Variants in WDR26 observed in about 807,000 individuals in gnomAD.
WDR26 encodes the protein WD repeat-containing protein 26.
Under a neutral mutation model 84.1 loss-of-function variants are expected in WDR26, and 5 were observed. The ratio of observed to expected loss-of-function variants is 0.06; its 90% CI spans 0.03 to 0.13. WDR26 has a LOEUF of 0.13. Ranked by LOEUF, WDR26 falls within the 10% of genes least tolerant of loss-of-function variation. WDR26 has a pLI of 1.00. For missense variants in WDR26, 642 were observed against 974.9 expected, an observed-to-expected ratio of 0.66 and a Z score of 4.55; for synonymous variants, 415 against 389.6, an observed-to-expected ratio of 1.07 and a Z score of -0.77.
intron 13 of WDR26, among the ~76,000 whole-genome samples, chr1:224,391,241 C>T (rs11811053): frequency 0.28 from 42,018 of 151,156 alleles, 7,139 homozygotes; most frequent in African/African-American, 0.47. Context: ...TGATGCATGC[C>T]TGTAATCCCA....
chr1:224,414,257 C>G (rs958101726), intron 6 of WDR26, among the ~76,000 whole-genome samples: 3 of 151,992 alleles, frequency 2.0e-5, no homozygotes, highest in East Asian at 1.9e-4. Flanking sequence ...AGGCACCCAC[C>G]ACCACACCCG....
At chr1:224,399,292 A>G (rs1247460140) in intron 9 of WDR26, among the ~76,000 whole-genome samples, 2 of 152,216 alleles carry the variant, frequency 1.3e-5, no homozygotes, top group Non-Finnish European at 2.9e-5. Context: ...CTCACCATGC[A>G]TAAATAACAC....
intron 3 of WDR26, among the ~76,000 whole-genome samples, chr1:224,427,671 C>T (rs1228460204): frequency 1.3e-5 from 2 of 152,146 alleles, no homozygotes; most frequent in African/African-American, 4.8e-5. Flanking sequence ...ATGCTGCTGG[C>T]CAAGCACAGC....
At position 224,401,597 on chromosome 1, in the gene WDR26, C is replaced by T. The variant is rs561999296; in HGVS notation, c.1600-528G>A. On this transcript the variant is annotated intron_variant, in intron 8 of 13. Coordinates refer to ENST00000414423, the MANE Select transcript of WDR26 (RefSeq NM_001379403.1). Reference sequence around the variant, plus strand: ...GCTTAGGCACGAGAATCACTTGAACCCAGGCGGTGGAGGTTGCAGTGAGCT... The same window carrying T: ...GCTTAGGCACGAGAATCACTTGAACTCAGGCGGTGGAGGTTGCAGTGAGCT... Among the ~76,000 whole-genome samples the T allele has an allele frequency of 3.6e-5, 5 of 140,684 alleles. No individual in the cohort carries two copies. In the East Asian group the frequency reaches 1.0e-3, roughly 28 times the overall value. The allele number at this position is 140,684 out of a possible 152,430, so 92.3% of individuals were successfully genotyped here.
intron 3 of WDR26, chr1:224,429,415 A>G (rs930451162): frequency 1.3e-5 from 2 of 152,206 alleles, no homozygotes; most frequent in Admixed American, 6.5e-5. Context: ...GTATACAATT[A>G]AAATAATTAC....
rs559166640 is a variant in WDR26 at position 224,419,719 on chromosome 1, T to C, written c.1065-104A>G. On this transcript the variant is annotated intron_variant, in intron 4 of 13. Coordinates refer to ENST00000414423, the MANE Select transcript of WDR26 (RefSeq NM_001379403.1). ...TGGCTATCTGCTTCTTACTAATACATGTCAAGAAATTTCTACAGTGGACTC... is the reference window on the plus strand; with the variant it reads ...TGGCTATCTGCTTCTTACTAATACACGTCAAGAAATTTCTACAGTGGACTC... 8.5e-6 allele frequency: 7 copies of C among 828,100 alleles called. No homozygotes were observed. The East Asian group carries it at 1.3e-4, about 15-fold the overall frequency. The allele number at this position is 828,100 out of a possible 1,614,324, so 51.3% of individuals were successfully genotyped here.
At chr1:224,427,570 G>A (rs191273557) in intron 3 of WDR26, among the ~76,000 whole-genome samples, 15 of 152,280 alleles carry the variant, frequency 9.9e-5, no homozygotes, top group Admixed American at 1.3e-4. Context: ...AGTAGCACAA[G>A]AGCATTTCTC....
chr1:224,422,957 G>A (rs572586814), intron 4 of WDR26, among the ~76,000 whole-genome samples: 29 of 152,272 alleles, frequency 1.9e-4, no homozygotes, highest in South Asian at 1.9e-3. Context: ...GCGATATACT[G>A]GAAGTGGCAC....
chr1:224,433,630 G>A, intron 1 of WDR26, 54 bp downstream of exon 1: 1 of 1,031,982 alleles, frequency 9.7e-7, no homozygotes, highest in South Asian at 2.4e-5. Context: ...CTACCCCCCT[G>A]GAGCCTCCGT....
intron 3 of WDR26, among the ~76,000 whole-genome samples, chr1:224,426,146 C>A (rs1674204450): frequency 6.6e-6 from 1 of 152,150 alleles, no homozygotes. Context: ...GCATGAGACA[C>A]CGCACCCGGC....
chr1:224,428,145 T>TA (rs2102922832), intron 3 of WDR26, among the ~76,000 whole-genome samples: 2 of 152,320 alleles, frequency 1.3e-5, no homozygotes, highest in South Asian at 4.1e-4. Flanking sequence ...GCTTGAATGA[T>TA]AGTTTCACGT....
intron 3 of WDR26, chr1:224,429,491 T>C (rs1291538210): frequency 1.3e-5 from 2 of 152,242 alleles, no homozygotes; most frequent in Admixed American, 1.3e-4. Context: ...TATTAGATTC[T>C]CTTCTTCTGG....
intron 6 of WDR26, among the ~76,000 whole-genome samples, chr1:224,415,522 G>T (rs1351500903): frequency 7.0e-6 from 1 of 143,158 alleles, no homozygotes; most frequent in Non-Finnish European, 1.5e-5. Context: ...GTGCAGTGGC[G>T]TGATCTCTGC....
At chr1:224,391,892 G>C (rs532021701) in intron 13 of WDR26, among the ~76,000 whole-genome samples, 112 of 152,144 alleles carry the variant, frequency 7.4e-4, no homozygotes, top group Non-Finnish European at 1.0e-3. Flanking sequence ...AGGTGAAAAT[G>C]AAAATCATTT....
At chr1:224,402,415 TG>T (rs1296144124) in intron 8 of WDR26, among the ~76,000 whole-genome samples, 3 of 152,180 alleles carry the variant, frequency 2.0e-5, no homozygotes, top group African/African-American at 7.2e-5. Flanking sequence ...AAGGCAGAAA[TG>T]GTTTGTCTTC....
In WDR26 at chr1:224,434,124, G is replaced by A. The variant is rs1472336969; in HGVS notation, c.282C>T (p.Ser94=). ...CCTGCATGATGCTGCCGCTGACCAGGCTGTGGCCGCTACTTCGGTGGGGGA... is the reference window on the plus strand; with the variant it reads ...CCTGCATGATGCTGCCGCTGACCAGACTGTGGCCGCTACTTCGGTGGGGGA... The change falls in exon 1 of 14, where the codon AGC becomes AGT. Residue 94 remains serine (S), a synonymous_variant. Coordinates refer to ENST00000414423, the MANE Select transcript of WDR26 (RefSeq NM_001379403.1). The A allele has an allele frequency of 7.0e-7, 1 of 1,426,474 alleles. No homozygotes were observed. Among genetic ancestry groups the A allele is most frequent in the East Asian group, 2.5e-5 (1 of 39,446 alleles). The allele number at this position is 1,426,474 out of a possible 1,614,324, so 88.4% of individuals were successfully genotyped here.
Position 224,411,560 on chromosome 1 carries a change from T to A in WDR26, c.1325A>T (p.Gln442Leu). The A allele has an allele frequency of 1.3e-6, 2 of 1,594,056 alleles. No homozygotes were observed. The highest frequency in any genetic ancestry group is 1.7e-6 in the Non-Finnish European group (2 of 1,172,022). Reference sequence around the variant, plus strand: ...TATCTGCTGCGTATAACATGGGAACTGCCTCCTAAAACAAAGAGGTCCACA... The same window carrying A: ...TATCTGCTGCGTATAACATGGGAACAGCCTCCTAAAACAAAGAGGTCCACA... The change falls in exon 7 of 14, where the codon CAG becomes CTG. Residue 442 changes from glutamine to leucine, a missense_variant. Coordinates refer to ENST00000414423, the MANE Select transcript of WDR26 (RefSeq NM_001379403.1).
intron 9 of WDR26, among the ~76,000 whole-genome samples, chr1:224,400,237 G>A (rs905689543): frequency 2.0e-5 from 3 of 150,678 alleles, no homozygotes. Context: ...GGTAGCACCT[G>A]TCACCACTTT....
At chr1:224,395,379 CTG>C (rs1042669827) in intron 12 of WDR26, among the ~76,000 whole-genome samples, 4 of 152,162 alleles carry the variant, frequency 2.6e-5, no homozygotes, top group African/African-American at 9.7e-5. Context: ...AATGTGCAAA[CTG>C]TCAGTGGGTG....
Sources: gnomAD v4.1 joint callset for allele counts (sites outside exome capture counted in the v4.1 genomes callset) on GRCh38, gnomAD v4.1.1 for gene constraint, MANE v1.5 for transcripts, NCBI Gene and HGNC (gene_info 2026-07-23, HGNC 2026-07-21) for gene names.